Variants in SKP2 observed in about 807,000 individuals in gnomAD.
SKP2 encodes the protein S-phase kinase-associated protein 2.
Under a neutral mutation model 51.8 loss-of-function variants are expected in SKP2, and 16 were observed. That is an observed-to-expected ratio of 0.31 (90% CI 0.21 to 0.47). The LOEUF (loss-of-function observed/expected upper bound fraction) is 0.47, where lower values mean the gene tolerates loss of function less well. SKP2 is among the 20% of genes least tolerant of loss of function. SKP2 has a pLI of 1.00. For missense variants in SKP2, 377 were observed against 505.3 expected (o/e 0.75, Z 2.43); for synonymous variants, 176 against 198.6 (o/e 0.89, Z 0.96).
intron 7 of SKP2, 120 bp from the exon 8 acceptor site, chr5:36,176,845 G>A (rs1487117775): frequency 3.2e-6 from 2 of 627,066 alleles, no homozygotes; most frequent in Non-Finnish European, 5.6e-6. Context: ...CTAATAGTGT[G>A]TGGTTCTAAT....
intron 7 of SKP2, among the ~76,000 whole-genome samples, chr5:36,175,424 A>G (rs557268360): frequency 6.6e-6 from 1 of 152,236 alleles, no homozygotes; most frequent in East Asian, 1.9e-4. Context: ...GAGAGGGGAT[A>G]TACTTGTGAG....
At chr5:36,189,362 C>T (rs369967260) in intron 6 of SKP2, among the ~76,000 whole-genome samples, 2 of 152,140 alleles carry the variant, frequency 1.3e-5, no homozygotes, top group African/African-American at 4.8e-5. Context: ...GTTTTATCTA[C>T]CTTTGATCTT....
At chr5:36,166,847 G>A (rs545229893) in intron 4 of SKP2, among the ~76,000 whole-genome samples, 185 bp downstream of exon 4, 1 of 150,728 alleles carries the variant, frequency 6.6e-6, no homozygotes, top group Admixed American at 6.7e-5. Context: ...AGATTTCAAT[G>A]ACACTGTTCC....
intron 7 of SKP2, among the ~76,000 whole-genome samples, chr5:36,173,574 G>A (rs914848222): frequency 6.6e-6 from 1 of 152,142 alleles, no homozygotes; most frequent in Admixed American, 6.5e-5. Context: ...GTGCAAGGTT[G>A]AGAAACTGCT....
intron 3 of SKP2, among the ~76,000 whole-genome samples, chr5:36,165,536 A>G (rs1561535017): frequency 6.6e-6 from 1 of 152,198 alleles, no homozygotes; most frequent in Non-Finnish European, 1.5e-5. Context: ...CAATACCAAT[A>G]CCTTGGAGGC....
rs1178258544 is a variant in SKP2 at position 36,182,020 on chromosome 5, A to T, written c.1264A>T (p.Ser422Cys). Residue 422 changes from serine (S) to cysteine (C), a missense_variant, in exon 10 of 10, where the codon AGT (serine) becomes TGT (cysteine). Physicochemically the swap from Ser to Cys is moderately radical, Grantham distance 112. Around this residue, in one of 2 missense-constraint regions of SKP2, gnomAD observed 262 missense variants for 389.8 expected, o/e 0.67. Transcript: ENST00000274255. ...IKCRLTLQKP[S>C]CL ...ATGCCGACTGACACTGCAAAAGCCCAGTTGTCTATGAAGTATTTATTGCAG... is the reference window on the plus strand; with the variant it reads ...ATGCCGACTGACACTGCAAAAGCCCTGTTGTCTATGAAGTATTTATTGCAG... The T allele has an allele frequency of 6.8e-6, 11 of 1,613,994 alleles. No individual in the cohort carries two copies. The highest frequency in any genetic ancestry group is 1.6e-4 in the Middle Eastern group (1 of 6,078).
chr5:36,169,560 C>T (rs1426736100), intron 5 of SKP2, among the ~76,000 whole-genome samples: 2 of 152,072 alleles, frequency 1.3e-5, no homozygotes, highest in Non-Finnish European at 2.9e-5. Flanking sequence ...GAGGGTCCAT[C>T]GAGGATAGAA....
chr5:36,186,124 A>G (rs914930992), downstream of SKP2, among the ~76,000 whole-genome samples: 3 of 152,210 alleles, frequency 2.0e-5, no homozygotes, highest in African/African-American at 7.2e-5. Context: ...ACTTTGCTGA[A>G]GTTGCTTATC....
At chr5:36,189,440 T>C (rs1745985391) in intron 6 of SKP2, among the ~76,000 whole-genome samples, 1 of 152,212 alleles carries the variant, frequency 6.6e-6, no homozygotes, top group South Asian at 2.1e-4. Flanking sequence ...CTTCTAACAG[T>C]CAGGACCCTC....
Position 36,152,997 on chromosome 5 carries a change from T to C in SKP2, c.235T>C (p.Phe79Leu). The C allele has an allele frequency of 6.2e-7, 1 of 1,614,044 alleles. No individual in the cohort carries two copies. The highest frequency in any genetic ancestry group is 8.5e-7 in the Non-Finnish European group (1 of 1,179,998). ...GAAGAGCAAAGGGAGTGACAAAGAC[T>C]TTGTGATTGTCCGCAGGCCTAAGCT... Reference protein sequence around the residue: ...RLKSKGSDKDFVIVRRPKLNR... With the variant: ...RLKSKGSDKDLVIVRRPKLNR... The change falls in exon 2 of 10, where the codon TTT becomes CTT. Residue 79 changes from phenylalanine to leucine, a missense_variant. Transcript: ENST00000274255.
chr5:36,155,156 T>TA (rs1251615028), intron 2 of SKP2: 1 of 152,178 alleles, frequency 6.6e-6, no homozygotes, highest in African/African-American at 2.4e-5. Flanking sequence ...AAACTGGAAA[T>TA]ACAGAGAAGA....
chr5:36,182,173 G>C lies in SKP2; in HGVS notation c.*142G>C. 1 of 1,423,736 alleles carries C rather than the reference G, an allele frequency of 7.0e-7. No individual in the cohort carries two copies. Among genetic ancestry groups the C allele is most frequent in the Admixed American group, 2.9e-5 (1 of 35,008 alleles). The allele number at this position is 1,423,736 out of a possible 1,614,324, so 88.2% of individuals were successfully genotyped here. A position where few individuals can be genotyped will look rare whatever the true frequency, so the allele number is the denominator to read the frequency against. ...AGTATACTAGGGAGCCATTTGAGAG[G>C]GAAAACTATGAAATCTTGCTTTTTG... On this transcript the variant is annotated 3_prime_UTR_variant, in exon 10 of 10. Transcript: ENST00000274255.
At chr5:36,154,171 G>T (rs900660957) in intron 2 of SKP2, among the ~76,000 whole-genome samples, 2 of 152,138 alleles carry the variant, frequency 1.3e-5, no homozygotes, top group African/African-American at 4.8e-5. Context: ...AGGTCTTGGG[G>T]TGGGAAGATA....
chr5:36,157,693 T>C (rs1744997436), intron 2 of SKP2, among the ~76,000 whole-genome samples: 1 of 152,204 alleles, frequency 6.6e-6, no homozygotes, highest in Non-Finnish European at 1.5e-5. Flanking sequence ...AAAACAAGTA[T>C]GAGTACCAGG....
rs1745427698 is a variant in SKP2, at chr5:36,170,345, ACT to A, written c.677_678del (p.Leu226ArgfsTer10). On this transcript the variant is annotated frameshift_variant and splice_region_variant, in exon 6 of 10. Coordinates refer to ENST00000274255, the MANE Select transcript of SKP2 (RefSeq NM_005983.4). LOFTEE classifies it high-confidence loss of function. ...TCTGACGTTTTTCTCTTTTTCCAGT[ACT>A]CTCGCAAAAAACTCAAATTTAGTGC... is the stretch of plus-strand genomic sequence containing the variant. ...GLRLSDPIVN[T>X]LAKNSNLVRL... 1.3e-6 allele frequency: 2 copies of A among 1,594,792 alleles called. No homozygotes were observed. Among genetic ancestry groups the A allele is most frequent in the South Asian group, 1.1e-5 (1 of 89,904 alleles).
chr5:36,175,571 C>G (rs919604826), intron 7 of SKP2, among the ~76,000 whole-genome samples: 1 of 152,060 alleles, frequency 6.6e-6, no homozygotes, highest in African/African-American at 2.4e-5. Context: ...ATCCAAACAC[C>G]CTTGAATACT....
chr5:36,157,136 C>G (rs1744976418), intron 2 of SKP2, among the ~76,000 whole-genome samples: 1 of 125,736 alleles, frequency 8.0e-6, no homozygotes, highest in Non-Finnish European at 1.8e-5. Flanking sequence ...AAACTCAGCA[C>G]TGGAAGAGCC....
At chr5:36,179,513 C>G (rs1745737279) in intron 9 of SKP2, among the ~76,000 whole-genome samples, 1 of 152,118 alleles carries the variant, frequency 6.6e-6, no homozygotes, top group Non-Finnish European at 1.5e-5. Flanking sequence ...GTCTTCTTCT[C>G]TATGTCTAAA....
At chr5:36,189,965 C>CA (rs929011092) in intron 6 of SKP2, among the ~76,000 whole-genome samples, 33 of 152,296 alleles carry the variant, frequency 2.2e-4, no homozygotes, top group Middle Eastern at 3.4e-3. Flanking sequence ...AGTTCGATCT[C>CA]AGACTGCTGT....
Sources: gnomAD v4.1 joint callset for allele counts (sites outside exome capture counted in the v4.1 genomes callset) on GRCh38, gnomAD v4.1.1 for gene constraint, gnomAD v4.1.1 regional missense constraint, MANE v1.5 for transcripts, NCBI Gene and HGNC (gene_info 2026-07-23, HGNC 2026-07-21) for gene names.